CADPS2: variants seen among roughly 807,000 people sequenced by gnomAD.
CADPS2 encodes calcium dependent secretion activator 2.
Under a neutral mutation model 172.5 loss-of-function variants are expected in CADPS2, and 93 were observed. The observed-to-expected ratio is 0.54, with a 90% confidence interval of 0.46 to 0.64. The LOEUF (loss-of-function observed/expected upper bound fraction) is 0.64, where lower values mean the gene tolerates loss of function less well. Among genes scored for constraint, CADPS2 ranks in the 30% least tolerant of loss-of-function variants. The pLI is 0.00. For synonymous variants in CADPS2, 546 were observed against 555.2 expected (o/e 0.98, Z 0.23); for missense variants, 1,420 against 1,565.9 (o/e 0.91, Z 1.57).
At chr7:122,554,994 C>A (rs1240829745) in intron 7 of CADPS2, among the ~76,000 whole-genome samples, 1 of 151,994 alleles carries the variant, frequency 6.6e-6, no homozygotes, top group Non-Finnish European at 1.5e-5. Context: ...AAGAGACACC[C>A]ATAATTTCAA....
chr7:122,802,310 G>A (rs556916346), intron 1 of CADPS2, among the ~76,000 whole-genome samples: 2 of 152,102 alleles, frequency 1.3e-5, no homozygotes, highest in South Asian at 2.1e-4. Context: ...GAGAACCTAC[G>A]ATTATTCCCT....
chr7:122,832,932 T>C, intron 1 of CADPS2, among the ~76,000 whole-genome samples: 1 of 152,240 alleles, frequency 6.6e-6, no homozygotes, highest in Non-Finnish European at 1.5e-5. Context: ...TCTTCACTTT[T>C]GTTTCCCTTC....
At chr7:122,696,418 A>G (rs2136150313) in intron 2 of CADPS2, among the ~76,000 whole-genome samples, 1 of 152,366 alleles carries the variant, frequency 6.6e-6, no homozygotes, top group South Asian at 2.1e-4. Flanking sequence ...CAAGCAAGGC[A>G]TGGCTCACAC....
At chr7:122,519,534 T>C (rs544828551) in intron 8 of CADPS2, among the ~76,000 whole-genome samples, 2 of 152,006 alleles carry the variant, frequency 1.3e-5, no homozygotes, top group African/African-American at 2.4e-5. Context: ...AGTATAAACA[T>C]AGCAATAATC....
chr7:122,686,776 C>T (rs2083687065), intron 2 of CADPS2, among the ~76,000 whole-genome samples: 1 of 152,176 alleles, frequency 6.6e-6, no homozygotes, highest in South Asian at 2.1e-4. Context: ...CCTCCGCCTC[C>T]CGTGCTCAAG....
At chr7:122,564,874 CACAA>C (rs1300914321) in intron 7 of CADPS2, among the ~76,000 whole-genome samples, 5 of 147,134 alleles carry the variant, frequency 3.4e-5, no homozygotes, top group Admixed American at 6.8e-5. Flanking sequence ...CACACACACA[CACAA>C]AACACTACCC....
chr7:122,669,333 G>GAA lies in CADPS2; in HGVS notation c.454-5766_454-5765dup, dbSNP rs1305107545. ...GTGACAGAGTGAGATCCTGTCTAAA[G>GAA]AAAAAATATATATATATATATATTT... On this transcript the variant is annotated intron_variant, in intron 2 of 29. Coordinates refer to ENST00000449022, the MANE Select transcript of CADPS2 (RefSeq NM_017954.11). Among the ~76,000 whole-genome samples the GAA allele has an allele frequency of 4.3e-3, 570 of 132,952 alleles. 2 individuals carry two copies. The highest frequency in any genetic ancestry group is 0.011 in the Middle Eastern group (3 of 264). 87.2% of individuals were successfully genotyped at this position (132,952 alleles called of 152,430 possible).
At chr7:122,716,042 G>A (rs929089498) in intron 2 of CADPS2, among the ~76,000 whole-genome samples, 6 of 152,126 alleles carry the variant, frequency 3.9e-5, no homozygotes, top group African/African-American at 1.2e-4. Context: ...AAGTATGTGA[G>A]GTGATAAATA....
chr7:122,465,980 TACA>T (rs2055084155), intron 14 of CADPS2, among the ~76,000 whole-genome samples: 1 of 152,194 alleles, frequency 6.6e-6, no homozygotes, highest in Non-Finnish European at 1.5e-5. Flanking sequence ...TGTTTCTACA[TACA>T]ACATTACATA....
At chr7:122,733,173 C>T (rs184544190) in intron 2 of CADPS2, among the ~76,000 whole-genome samples, 89 of 151,672 alleles carry the variant, frequency 5.9e-4, no homozygotes, top group African/African-American at 1.9e-3. Flanking sequence ...TATCTAGCAT[C>T]TTCAAGGAAA....
chr7:122,799,099 A>G (rs1797009431), intron 1 of CADPS2, among the ~76,000 whole-genome samples: 1 of 151,836 alleles, frequency 6.6e-6, no homozygotes, highest in South Asian at 2.1e-4. Flanking sequence ...AACAAATCTT[A>G]AATAGATTCA....
chr7:122,481,684 T>C (rs930940160), intron 11 of CADPS2, among the ~76,000 whole-genome samples: 1 of 151,166 alleles, frequency 6.6e-6, no homozygotes, highest in African/African-American at 2.4e-5. Context: ...GCCTTGACAA[T>C]AAATTGATAT....
chr7:122,664,281 G>C lies in CADPS2; in HGVS notation c.454-712C>G, dbSNP rs535412499. Among the ~76,000 whole-genome samples, 7 of 152,174 alleles carry C rather than the reference G, an allele frequency of 4.6e-5. No individual in the cohort carries two copies. The East Asian group carries it at 1.4e-3, about 29-fold the overall frequency. On this transcript the variant is annotated intron_variant, in intron 2 of 29. Coordinates refer to ENST00000449022, the MANE Select transcript of CADPS2 (RefSeq NM_017954.11). ...ACTCAAAATTGCCCAACAGCTGGGG[G>C]GCTAGAATATACCTGTCCCCATCCC...
intron 8 of CADPS2, among the ~76,000 whole-genome samples, chr7:122,519,742 C>T (rs1377730213): frequency 6.6e-6 from 1 of 151,648 alleles, no homozygotes; most frequent in East Asian, 1.9e-4. Context: ...TATGAAGAAA[C>T]TAAACTTTCA....
At chr7:122,799,413 C>A (rs899200741) in intron 1 of CADPS2, among the ~76,000 whole-genome samples, 3 of 152,000 alleles carry the variant, frequency 2.0e-5, no homozygotes, top group East Asian at 3.9e-4. Context: ...TCCTGGCTAA[C>A]ACAGTGAAAC....
intron 2 of CADPS2, among the ~76,000 whole-genome samples, chr7:122,720,360 T>C (rs1447282393): frequency 6.6e-6 from 1 of 151,708 alleles, no homozygotes; most frequent in African/African-American, 2.4e-5. Flanking sequence ...TAAATATACT[T>C]TGACAATAAA....
At chr7:122,642,819 T>C (rs1296443432) in intron 3 of CADPS2, among the ~76,000 whole-genome samples, 1 of 152,106 alleles carries the variant, frequency 6.6e-6, no homozygotes, top group Admixed American at 6.6e-5. Context: ...TATATGTTAA[T>C]CCTAGTTAAC....
At chr7:122,864,435 T>C (rs1463754877) in intron 1 of CADPS2, among the ~76,000 whole-genome samples, 1 of 151,094 alleles carries the variant, frequency 6.6e-6, no homozygotes, top group African/African-American at 2.4e-5. Flanking sequence ...AGTCATGAAA[T>C]TGCCACTGCA....
chr7:122,557,541 G>A (rs907958169), intron 7 of CADPS2, among the ~76,000 whole-genome samples: 36 of 152,148 alleles, frequency 2.4e-4, no homozygotes, highest in Non-Finnish European at 2.8e-4. Flanking sequence ...GCAGAATGGG[G>A]AGGGAAGATG....
Sources: gnomAD v4.1 joint callset for allele counts (sites outside exome capture counted in the v4.1 genomes callset) on GRCh38, gnomAD v4.1.1 for gene constraint, MANE v1.5 for transcripts, NCBI Gene and HGNC (gene_info 2026-07-23, HGNC 2026-07-21) for gene names.